Variants in MYLK observed in about 807,000 individuals in gnomAD.
The protein encoded by MYLK is myosin light chain kinase, smooth muscle.
A neutral mutation model predicts 203.4 loss-of-function variants in MYLK; 106 were observed. That is an observed-to-expected ratio of 0.52 (90% CI 0.45 to 0.61). The LOEUF is 0.61. MYLK is among the 20% of genes least tolerant of loss of function. The pLI is 0.00. For synonymous variants in MYLK, 867 were observed against 959.5 expected, an observed-to-expected ratio of 0.90 and a Z score of 1.78; for missense variants, 2,072 against 2,442.3, an observed-to-expected ratio of 0.85 and a Z score of 3.20.
chr3:123,856,558 T>C (rs1319970360), intron 2 of MYLK, among the ~76,000 whole-genome samples: 1 of 152,206 alleles, frequency 6.6e-6, no homozygotes, highest in Non-Finnish European at 1.5e-5. Flanking sequence ...CTTTATGTAT[T>C]ACAGTGCATT....
At chr3:123,618,476 C>T in intron 33 of MYLK, 163 bp downstream of exon 33, 1 of 851,520 alleles carries the variant, frequency 1.2e-6, no homozygotes, top group Non-Finnish European at 1.9e-6. Context: ...CAGGGCATAG[C>T]CCTTTATGAG....
chr3:123,658,461 TAG>T, intron 23 of MYLK, among the ~76,000 whole-genome samples: 1 of 152,268 alleles, frequency 6.6e-6, no homozygotes, highest in South Asian at 2.1e-4. Context: ...TTTTCAGATT[TAG>T]TTTTTGCAGA....
intron 29 of MYLK, 35 bp downstream of exon 29, chr3:123,638,036 T>C (rs1446412576): frequency 6.2e-7 from 1 of 1,612,694 alleles, no homozygotes; most frequent in South Asian, 1.1e-5. Context: ...GTCCACCAAG[T>C]GGTCCACCAG....
At chr3:123,856,217 G>A (rs1262756118) in intron 2 of MYLK, among the ~76,000 whole-genome samples, 2 of 152,294 alleles carry the variant, frequency 1.3e-5, no homozygotes, top group South Asian at 4.2e-4. Context: ...TACCTGGAAA[G>A]GAACGCTTTG....
At chr3:123,646,018 C>A (rs2059006817) in intron 27 of MYLK, among the ~76,000 whole-genome samples, 1 of 152,006 alleles carries the variant, frequency 6.6e-6, no homozygotes, top group Non-Finnish European at 1.5e-5. Context: ...TGGCGTGAGC[C>A]TGTGGTGAGG....
At chr3:123,875,447 T>C (rs1453257671) in intron 2 of MYLK, among the ~76,000 whole-genome samples, 1 of 152,160 alleles carries the variant, frequency 6.6e-6, no homozygotes, top group African/African-American at 2.4e-5. Context: ...GATCAGTAAC[T>C]GCCAAGGTCT....
At chr3:123,833,883 A>G (rs1446628116) in intron 2 of MYLK, among the ~76,000 whole-genome samples, 14 of 152,152 alleles carry the variant, frequency 9.2e-5, no homozygotes. Context: ...CCACTTCATC[A>G]GGTAACAGGG....
intron 4 of MYLK, among the ~76,000 whole-genome samples, chr3:123,778,085 T>G (rs1219283144): frequency 2.0e-5 from 3 of 152,118 alleles, no homozygotes; most frequent in Non-Finnish European, 4.4e-5. Context: ...CAGAAGAAGA[T>G]TCTAAGCATT....
At chr3:123,707,724 A>T in intron 16 of MYLK, 30 bp downstream of exon 16, 1 of 1,613,922 alleles carries the variant, frequency 6.2e-7, no homozygotes, top group Non-Finnish European at 8.5e-7. Context: ...GGGAAGGGTT[A>T]AGGGAGGCTG....
At chr3:123,664,036 G>T in intron 23 of MYLK, 69 bp downstream of exon 23, 2 of 1,602,992 alleles carry the variant, frequency 1.2e-6, no homozygotes, top group Non-Finnish European at 8.5e-7. Context: ...TGAGGCCCAC[G>T]TATCTTGCCT....
In MYLK at chr3:123,857,476, A is replaced by G. The variant is rs1344665422; in HGVS notation, c.-127+19083T>C. Among the ~76,000 whole-genome samples the G allele has an allele frequency of 4.9e-3, 737 of 151,422 alleles. 9 individuals carry two copies. Among genetic ancestry groups the G allele is most frequent in the African/African-American group, 0.015 (615 of 40,984 alleles). ...GGAATACTATGCAGCCATAAAAAAT[A>G]ATGAGTTCATGTCCTTTGCAGGGAC... On this transcript the variant is annotated intron_variant, in intron 2 of 33. Transcript: ENST00000360304.
chr3:123,698,698 A>G (rs562310890), intron 18 of MYLK: 21 of 186,380 alleles, frequency 1.1e-4, no homozygotes, highest in Admixed American at 1.1e-3. Flanking sequence ...AGAAAATAAC[A>G]TGTTTCTCTC....
chr3:123,884,035 G>C (rs903481019), intron 1 of MYLK, among the ~76,000 whole-genome samples, 171 bp downstream of exon 1: 1 of 152,124 alleles, frequency 6.6e-6, no homozygotes, highest in South Asian at 2.1e-4. Context: ...GCGTCACTGG[G>C]GTCGTCTCCT....
chr3:123,639,090 T>C, intron 28 of MYLK: 1 of 984,054 alleles, frequency 1.0e-6, no homozygotes, highest in African/African-American at 1.7e-5. Context: ...CAGTGGAAGC[T>C]GGACATTGTG....
Position 123,880,007 on chromosome 3 carries a change from C to G in MYLK, c.-185-3390G>C, listed in dbSNP as rs114646341. Among the ~76,000 whole-genome samples, 449 of 152,294 alleles carry G rather than the reference C, an allele frequency of 2.9e-3. 2 individuals are homozygous for G. Among genetic ancestry groups the G allele is most frequent in the African/African-American group, 9.9e-3 (412 of 41,564 alleles). On this transcript the variant is annotated intron_variant, in intron 1 of 33. Transcript: ENST00000360304. ...ACAGAGCTCAATAGAAAGTAGACAT[C>G]ATTAGTGTCTGCTGGTTGATTTACA...
intron 8 of MYLK, among the ~76,000 whole-genome samples, chr3:123,736,440 C>T (rs1161105102): frequency 1.3e-5 from 2 of 152,132 alleles, no homozygotes; most frequent in East Asian, 1.9e-4. Flanking sequence ...TCCTGACCCC[C>T]GAGTTCCTGC....
chr3:123,645,924 G>A (rs868705555), intron 27 of MYLK, among the ~76,000 whole-genome samples: 1 of 152,104 alleles, frequency 6.6e-6, no homozygotes, highest in Non-Finnish European at 1.5e-5. Flanking sequence ...CAGATGGATC[G>A]CTTGAGCCCA....
chr3:123,694,255 C>T (rs561810014), intron 18 of MYLK, among the ~76,000 whole-genome samples: 3 of 152,206 alleles, frequency 2.0e-5, no homozygotes, highest in Admixed American at 6.5e-5. Context: ...TTCCTATACC[C>T]TTATACAGAC....
At chr3:123,872,342 T>C (rs1230943762) in intron 2 of MYLK, among the ~76,000 whole-genome samples, 2 of 152,170 alleles carry the variant, frequency 1.3e-5, no homozygotes, top group African/African-American at 4.8e-5. Flanking sequence ...TTTTTCCTCA[T>C]ACCAACTGAA....
Sources: allele counts gnomAD v4.1 joint callset (sites outside exome capture counted in the v4.1 genomes callset), GRCh38; gene constraint gnomAD v4.1.1; transcripts MANE v1.5; gene names NCBI Gene and HGNC (gene_info 2026-07-23, HGNC 2026-07-21).